Variants in P2RY8 observed in about 807,000 individuals in gnomAD.
P2RY8 encodes S-geranylgeranyl-glutathione receptor P2RY8.
P2RY8 carries 6 observed loss-of-function variants against 10.0 expected under a neutral mutation model. The observed-to-expected ratio is 0.60, with a 90% CI of 0.33 to 1.19. P2RY8 has a LOEUF of 1.19. P2RY8 is among the 50% of genes most tolerant of loss of function. The pLI is 0.04. For synonymous variants in P2RY8, 276 were observed against 252.5 expected, an observed-to-expected ratio of 1.09 and a Z score of -0.88; for missense variants, 456 against 542.0, an observed-to-expected ratio of 0.84 and a Z score of 1.58.
At chrX:1,474,007 A>ATGGG (rs2149379350) in intron 1 of P2RY8, among the ~76,000 whole-genome samples, 1 of 129,160 alleles carries the variant, frequency 7.7e-6, no homozygotes, top group Non-Finnish European at 1.6e-5. Context: ...GAGTGGATGG[A>ATGGG]TGGGTGGGTG....
chrX:1,509,099 G>GTATCTATCTATCTATCTATC (rs760585041), intron 1 of P2RY8, among the ~76,000 whole-genome samples: 5 of 138,306 alleles, frequency 3.6e-5, no homozygotes, highest in East Asian at 2.1e-4. Context: ...ATGTATCTAT[G>GTATCTATCTATCTATCTATC]TATCTATCTA....
Position 1,463,310 on chromosome X carries a change from T to G in P2RY8, c.*2169A>C, listed in dbSNP as rs2091612808. On this transcript the variant is annotated 3_prime_UTR_variant, in exon 2 of 2. Coordinates refer to ENST00000381297, the MANE Select transcript of P2RY8 (RefSeq NM_178129.5). ...AGTCTAGAGAAGCAGGAGGTTAATTTTCCTCCTTCTGTGGAAGTTCTGGGT... is the reference window on the plus strand; with the variant it reads ...AGTCTAGAGAAGCAGGAGGTTAATTGTCCTCCTTCTGTGGAAGTTCTGGGT... 1 of 232,688 alleles carries G rather than the reference T, an allele frequency of 4.3e-6. No homozygotes were observed. The highest frequency in any genetic ancestry group is 8.5e-6 in the Non-Finnish European group (1 of 117,770). The allele number at this position is 232,688 out of a possible 1,614,324, so 14.4% of individuals were successfully genotyped here.
At chrX:1,500,015 T>C (rs112020039) in intron 1 of P2RY8, among the ~76,000 whole-genome samples, 39,043 of 85,534 alleles carry the variant, frequency 0.46, 13,379 homozygotes, top group East Asian at 0.77. Context: ...TGTACCACCA[T>C]GCCCAGCTAA....
At chrX:1,479,524 T>C (rs2091912297) in intron 1 of P2RY8, among the ~76,000 whole-genome samples, 2 of 152,352 alleles carry the variant, frequency 1.3e-5, no homozygotes, top group Middle Eastern at 6.8e-3. Flanking sequence ...ATAATTTAAG[T>C]TTCCACCTCG....
chrX:1,494,887 A>AT (rs59550310), intron 1 of P2RY8, among the ~76,000 whole-genome samples: 15 of 125,924 alleles, frequency 1.2e-4, no homozygotes, highest in East Asian at 8.8e-4. Flanking sequence ...TTTTTTTTGT[A>AT]TTTTTTTTTT....
chrX:1,525,816 T>C (rs1201683083), intron 1 of P2RY8, among the ~76,000 whole-genome samples: 1 of 151,162 alleles, frequency 6.6e-6, no homozygotes, highest in Non-Finnish European at 1.5e-5. Flanking sequence ...CCACTATTCA[T>C]TCGCCCATTC....
intron 1 of P2RY8, among the ~76,000 whole-genome samples, chrX:1,495,488 A>G (rs147983606): frequency 0.069 from 10,141 of 146,862 alleles, 480 homozygotes; most frequent in African/African-American, 0.13. Context: ...AGAAGACGGC[A>G]TCTCCAAGCC....
intron 1 of P2RY8, among the ~76,000 whole-genome samples, chrX:1,481,143 C>T (rs1193523143): frequency 6.6e-6 from 1 of 151,324 alleles, no homozygotes; most frequent in African/African-American, 2.4e-5. Flanking sequence ...ACCCTCTGAC[C>T]TTTAGGTCAC....
At chrX:1,501,646 T>G (rs1371662345) in intron 1 of P2RY8, among the ~76,000 whole-genome samples, 1 of 152,140 alleles carries the variant, frequency 6.6e-6, no homozygotes, top group African/African-American at 2.4e-5. Flanking sequence ...CAGGCTGGAG[T>G]GCAGTGGTGC....
chrX:1,509,421 T>TC lies in P2RY8; in HGVS notation c.-25+27499_-25+27500insG, dbSNP rs1569538128. ...CTATCTATCTATCTATCTATTTCTA[T>TC]TATCTATCTATCATCTATGTATCTA... is the stretch of plus-strand genomic sequence containing the variant. On this transcript the variant is annotated intron_variant, in intron 1 of 1. Transcript: ENST00000381297. Among the ~76,000 whole-genome samples the TC allele has an allele frequency of 3.8e-4, 54 of 143,778 alleles. 1 individual carries two copies. The East Asian group carries it at 6.6e-3, about 18-fold the overall frequency. 94.3% of individuals were successfully genotyped at this position (143,778 alleles called of 152,430 possible).
At chrX:1,526,377 T>C (rs1156979473) in intron 1 of P2RY8, among the ~76,000 whole-genome samples, 1 of 151,846 alleles carries the variant, frequency 6.6e-6, no homozygotes, top group Non-Finnish European at 1.5e-5. Context: ...CATTTATCAA[T>C]ACACCCACTA....
intron 1 of P2RY8, among the ~76,000 whole-genome samples, chrX:1,524,589 CCAT>C (rs2092421206): frequency 7.2e-6 from 1 of 139,606 alleles, no homozygotes; most frequent in Non-Finnish European, 1.6e-5. Flanking sequence ...ATCCATCCAT[CCAT>C]CCATTCATCC....
At chrX:1,483,265 G>C (rs529463161) in intron 1 of P2RY8, among the ~76,000 whole-genome samples, 2 of 152,090 alleles carry the variant, frequency 1.3e-5, no homozygotes, top group African/African-American at 4.8e-5. Flanking sequence ...AGAAGAAACC[G>C]AGACGGTCTC....
At chrX:1,509,683 TCCATC>T (rs2092279535) in intron 1 of P2RY8, among the ~76,000 whole-genome samples, 4 of 144,112 alleles carry the variant, frequency 2.8e-5, no homozygotes, top group Non-Finnish European at 6.0e-5. Context: ...CATCCATCCA[TCCATC>T]CATCCATCCA....
intron 1 of P2RY8, among the ~76,000 whole-genome samples, chrX:1,517,102 G>A (rs2092356621): frequency 6.6e-6 from 1 of 151,746 alleles, no homozygotes; most frequent in Non-Finnish European, 1.5e-5. Context: ...AACCACCCCT[G>A]CCCACACCTT....
chrX:1,465,347 T>C lies in P2RY8; in HGVS notation c.*132A>G. The C allele has an allele frequency of 7.0e-7, 1 of 1,427,110 alleles. No individual in the cohort carries two copies. The highest frequency in any genetic ancestry group is 9.3e-7 in the Non-Finnish European group (1 of 1,073,190). The allele number at this position is 1,427,110 out of a possible 1,614,324, so 88.4% of individuals were successfully genotyped here. A position where few individuals can be genotyped will look rare whatever the true frequency, so the allele number is the denominator to read the frequency against. On this transcript the variant is annotated 3_prime_UTR_variant, in exon 2 of 2. Coordinates refer to ENST00000381297, the MANE Select transcript of P2RY8 (RefSeq NM_178129.5). ...TGGGAGGAATAAAGCCTGGAGACCCTTCCCCACCGGGCCTCTGCAGTGCCT... is the reference window on the plus strand; with the variant it reads ...TGGGAGGAATAAAGCCTGGAGACCCCTCCCCACCGGGCCTCTGCAGTGCCT...
chrX:1,480,941 C>T (rs1452475794), intron 1 of P2RY8, among the ~76,000 whole-genome samples: 1 of 151,588 alleles, frequency 6.6e-6, no homozygotes, highest in Non-Finnish European at 1.5e-5. Flanking sequence ...GGCCACCTCA[C>T]GAAAGATGCT....
At position 1,515,634 on chromosome X, in the gene P2RY8, G is replaced by A. The variant is rs754410452; in HGVS notation, c.-25+21287C>T. Among the ~76,000 whole-genome samples the A allele has an allele frequency of 5.7e-4, 86 of 151,710 alleles. 1 individual carries two copies. The East Asian group carries it at 0.016, about 29-fold the overall frequency. On this transcript the variant is annotated intron_variant, in intron 1 of 1. Coordinates refer to ENST00000381297, the MANE Select transcript of P2RY8 (RefSeq NM_178129.5). The stretch of plus-strand genomic sequence containing the variant: ...GATCCACCCGCCTCGGCCTCCCAAA[G>A]TGCTGGGATTACAGGCATCAGCCAC...
In P2RY8 at chrX:1,466,062, G is replaced by T. The variant is rs1255191613; in HGVS notation, c.497C>A (p.Pro166Gln). ...GGTGATGATGCCCAGGGCGTGCACC[G>T]GGTAGGTGAGATCGGTGCGCGCCAG... Reference protein sequence around the residue: ...SPLARTDLTYPVHALGIITCF... With the variant: ...SPLARTDLTYQVHALGIITCF... The change falls in exon 2 of 2, where the codon CCG becomes CAG. Residue 166 changes from proline (P) to glutamine (Q), a missense_variant. Transcript: ENST00000381297. 6.2e-7 allele frequency: 1 copy of T among 1,611,802 alleles called. No homozygotes were observed. The highest frequency in any genetic ancestry group is 8.5e-7 in the Non-Finnish European group (1 of 1,179,742).
Sources: allele counts gnomAD v4.1 joint callset (sites outside exome capture counted in the v4.1 genomes callset), GRCh38; gene constraint gnomAD v4.1.1; transcripts MANE v1.5; gene names NCBI Gene and HGNC (gene_info 2026-07-23, HGNC 2026-07-21).